MUC22: variants seen among roughly 807,000 people sequenced by gnomAD.
MUC22 encodes mucin-22.
Under a neutral mutation model 40.3 loss-of-function variants are expected in MUC22, and 24 were observed. That is an observed-to-expected ratio of 0.60 (90% CI 0.43 to 0.84). MUC22 has a LOEUF of 0.84. Among genes scored for constraint, MUC22 ranks in the 40% least tolerant of loss-of-function variants. MUC22 has a pLI of 0.00. For missense variants in MUC22, 1,926 were observed against 2,130.7 expected, an observed-to-expected ratio of 0.90 and a Z score of 1.89; for synonymous variants, 765 against 844.5, an observed-to-expected ratio of 0.91 and a Z score of 1.63.
intron 3 of MUC22, among the ~76,000 whole-genome samples, chr6:31,033,261 GAGAAAGAAAGGA>G (rs1309428188): frequency 6.6e-6 from 1 of 150,686 alleles, no homozygotes; most frequent in Non-Finnish European, 1.5e-5. Flanking sequence ...AAGCAAGAAA[GAGAAAGAAAGGA>G]AGAAAGAAAG....
At chr6:31,016,372 G>T (rs1442218132) in intron 1 of MUC22, among the ~76,000 whole-genome samples, 1 of 152,170 alleles carries the variant, frequency 6.6e-6, no homozygotes, top group Non-Finnish European at 1.5e-5. Flanking sequence ...GGTAGGGCCT[G>T]TCAACTGGTG....
chr6:31,025,497 C>T lies in MUC22; in HGVS notation c.71-5C>T. On this transcript the variant is annotated splice_polypyrimidine_tract_variant and splice_region_variant and intron_variant, in intron 1 of 3. Coordinates refer to ENST00000561890, the Ensembl canonical transcript of MUC22. ...TCCCACCACCTTATTTGTTCTCCACCTCAGGCTCTGAGAATACCACAGCCT... is the reference window on the plus strand; with the variant it reads ...TCCCACCACCTTATTTGTTCTCCACTTCAGGCTCTGAGAATACCACAGCCT... The T allele has an allele frequency of 6.7e-7, 1 of 1,486,590 alleles. No individual in the cohort carries two copies. The highest frequency in any genetic ancestry group is 1.4e-5 in the African/African-American group (1 of 71,112). The allele number at this position is 1,486,590 out of a possible 1,614,324, so 92.1% of individuals were successfully genotyped here.
exon 1 of MUC22, chr6:31,010,522 C>A: frequency 1.8e-6 from 1 of 558,598 alleles, no homozygotes; most frequent in Non-Finnish European, 3.2e-6. Context: ...TTTGGGGGCT[C>A]CCCCCAACCA....
intron 1 of MUC22, among the ~76,000 whole-genome samples, chr6:31,021,476 G>A (rs1010843264): frequency 2.0e-5 from 3 of 150,214 alleles, no homozygotes; most frequent in Admixed American, 2.0e-4. Flanking sequence ...GCTCTCGTGG[G>A]GCCTTGGAGA....
At chr6:31,034,157 C>A (rs910923576) in intron 3 of MUC22, among the ~76,000 whole-genome samples, 3 of 152,150 alleles carry the variant, frequency 2.0e-5, no homozygotes, top group African/African-American at 7.2e-5. Context: ...GCTATTTGCC[C>A]CAGCACATGT....
chr6:31,028,658 C>T, exon 2 of MUC22: 1 of 1,535,070 alleles, frequency 6.5e-7, no homozygotes, highest in South Asian at 1.2e-5. Context: ...GAGACCACCA[C>T]AGTCTCCACT....
intron 1 of MUC22, among the ~76,000 whole-genome samples, chr6:31,020,573 C>A (rs1035693015): frequency 6.6e-6 from 1 of 151,572 alleles, no homozygotes; most frequent in African/African-American, 2.4e-5. Context: ...GTCCTCAGAG[C>A]CCTCGCTTGC....
chr6:31,018,105 G>C (rs930945661), intron 1 of MUC22, among the ~76,000 whole-genome samples: 3 of 152,202 alleles, frequency 2.0e-5, no homozygotes, highest in African/African-American at 4.8e-5. Context: ...CGGCTTCATT[G>C]TTGAAGTCAG....
chr6:31,031,561 G>A (rs1766066764), intron 2 of MUC22, among the ~76,000 whole-genome samples: 1 of 152,034 alleles, frequency 6.6e-6, no homozygotes, highest in Non-Finnish European at 1.5e-5. Flanking sequence ...GTGGTATTTG[G>A]TTATATGAAT....
upstream of MUC22, among the ~76,000 whole-genome samples, chr6:31,010,085 A>G: frequency 6.6e-6 from 1 of 152,218 alleles, no homozygotes; most frequent in East Asian, 1.9e-4. Flanking sequence ...AGCTTCCCCT[A>G]GATAGACTGC....
intron 2 of MUC22, among the ~76,000 whole-genome samples, chr6:31,031,017 C>A (rs907656599): frequency 6.6e-6 from 1 of 152,256 alleles, no homozygotes; most frequent in African/African-American, 2.4e-5. Flanking sequence ...TTGCTCCAGT[C>A]TGAGACCAAA....
exon 4 of MUC22, chr6:31,035,308 C>T (rs1043786087): frequency 5.5e-5 from 14 of 254,348 alleles, no homozygotes; most frequent in African/African-American, 2.0e-4. Flanking sequence ...TCAGGGTCAA[C>T]GTTTCTCATC....
At chr6:31,027,486 C>A (rs1332840064) in exon 2 of MUC22, 1 of 1,531,144 alleles carries the variant, frequency 6.5e-7, no homozygotes, top group Non-Finnish European at 8.7e-7. Flanking sequence ...TCTTTGAGAC[C>A]ACTACAGCCT....
At chr6:31,028,957 A>G in exon 2 of MUC22, 1 of 1,533,314 alleles carries the variant, frequency 6.5e-7, no homozygotes, top group Non-Finnish European at 8.7e-7. Context: ...CTCTGAGACC[A>G]CCACAGCCTC....
exon 2 of MUC22, chr6:31,029,365 G>C (rs993540241): frequency 6.5e-7 from 1 of 1,535,084 alleles, no homozygotes; most frequent in Non-Finnish European, 8.7e-7. Flanking sequence ...CTCTACTGAA[G>C]GCTCTGAGAC....
chr6:31,010,142 T>C (rs559331956), upstream of MUC22, among the ~76,000 whole-genome samples: 1 of 152,296 alleles, frequency 6.6e-6, no homozygotes, highest in South Asian at 2.1e-4. Context: ...TCTTCTTCCT[T>C]CTTTCTTCTA....
At chr6:31,031,782 G>A (rs1453762530) in intron 2 of MUC22, among the ~76,000 whole-genome samples, 2 of 151,992 alleles carry the variant, frequency 1.3e-5, no homozygotes, top group African/African-American at 4.8e-5. Flanking sequence ...TTCCATTCCT[G>A]AGTTACTTCA....
intron 1 of MUC22, among the ~76,000 whole-genome samples, chr6:31,024,786 C>T (rs1336871985): frequency 2.6e-5 from 4 of 152,050 alleles, no homozygotes; most frequent in Non-Finnish European, 4.4e-5. Context: ...TGAATCACAT[C>T]GAGCTCATTA....
chr6:31,017,678 C>T (rs1472974605), intron 1 of MUC22, among the ~76,000 whole-genome samples: 1 of 152,234 alleles, frequency 6.6e-6, no homozygotes. Flanking sequence ...ACTTTTGTGT[C>T]TAGCTCAGGG....
Sources: allele counts gnomAD v4.1 joint callset (sites outside exome capture counted in the v4.1 genomes callset), GRCh38; gene constraint gnomAD v4.1.1; transcripts MANE v1.5; gene names NCBI Gene and HGNC (gene_info 2026-07-23, HGNC 2026-07-21).